ABHD5: variants seen among roughly 807,000 people sequenced by gnomAD.
ABHD5 encodes the protein abhydrolase domain containing 5, lysophosphatidic acid acyltransferase, also known as 1-acylglycerol-3-phosphate O-acyltransferase ABHD5.
In ABHD5, 30 loss-of-function variants were observed where a neutral mutation model predicts 44.9. That is an observed-to-expected ratio of 0.67 (90% CI 0.50 to 0.91). The LOEUF (loss-of-function observed/expected upper bound fraction) is 0.91, where lower values mean the gene tolerates loss of function less well. Ranked by LOEUF, ABHD5 falls within the 40% of genes least tolerant of loss-of-function variation. The probability of loss-of-function intolerance (pLI) is 0.00; values close to 1 mark genes in which losing one functional copy is unlikely to be tolerated. For missense variants in ABHD5, 399 were observed against 423.4 expected (o/e 0.94, Z 0.50); for synonymous variants, 167 against 147.0 (o/e 1.14, Z -0.99).
Position 43,702,380 on chromosome 3 carries a change from CCAA to C in ABHD5, c.302_304del (p.Asn101del). The C allele has an allele frequency of 6.2e-7, 1 of 1,614,186 alleles. No individual in the cohort carries two copies. Among genetic ancestry groups the C allele is most frequent in the Non-Finnish European group, 8.5e-7 (1 of 1,180,044 alleles). On this transcript the variant is annotated inframe_deletion, in exon 3 of 7. Coordinates refer to ENST00000644371, the MANE Select transcript of ABHD5 (RefSeq NM_016006.6). Reference sequence around the variant, plus strand: ...GCACTGAATTTTGGAGATCTTTGCACCAACAGACCTGTCTATGCTTTTGACCTA... The same window carrying C: ...GCACTGAATTTTGGAGATCTTTGCACCAGACCTGTCTATGCTTTTGACCTA...
rs1440679259 is a variant in ABHD5, at chr3:43,720,860, C to A, written c.*2328C>A. Reference sequence around the variant, plus strand: ...CGCCATACATGGCTTTACCTGGGTCCATGCATTCCCTTAAGATGACTTCTG... The same window carrying A: ...CGCCATACATGGCTTTACCTGGGTCAATGCATTCCCTTAAGATGACTTCTG... On this transcript the variant is annotated 3_prime_UTR_variant, in exon 7 of 7. Coordinates refer to ENST00000644371, the MANE Select transcript of ABHD5 (RefSeq NM_016006.6). The A allele has an allele frequency of 6.6e-6, 1 of 151,592 alleles. No homozygotes were observed. Among genetic ancestry groups the A allele is most frequent in the Non-Finnish European group, 1.5e-5 (1 of 67,964 alleles). The allele number at this position is 151,592 out of a possible 1,614,324, so 9.4% of individuals were successfully genotyped here. A position where few individuals can be genotyped will look rare whatever the true frequency, so the allele number is the denominator to read the frequency against.
chr3:43,710,359 T>A (rs2084671872), intron 3 of ABHD5, among the ~76,000 whole-genome samples: 1 of 152,224 alleles, frequency 6.6e-6, no homozygotes, highest in Non-Finnish European at 1.5e-5. Context: ...CTCTCTTATG[T>A]TGATTAGCCT....
At chr3:43,715,217 A>G (rs1453036562) in intron 5 of ABHD5, among the ~76,000 whole-genome samples, 159 bp downstream of exon 5, 4 of 151,998 alleles carry the variant, frequency 2.6e-5, no homozygotes, top group South Asian at 2.1e-4. Flanking sequence ...CTGGAGGGCA[A>G]TGGTGCGATC....
In ABHD5 at chr3:43,720,240, G is replaced by A. The variant is rs1019686280; in HGVS notation, c.*1708G>A. The A allele has an allele frequency of 2.0e-5, 3 of 152,168 alleles. No individual in the cohort carries two copies. Among genetic ancestry groups the A allele is most frequent in the African/African-American group, 7.2e-5 (3 of 41,448 alleles). 9.4% of individuals were successfully genotyped at this position (152,168 alleles called of 1,614,324 possible). A position where few individuals can be genotyped will look rare whatever the true frequency, so the allele number is the denominator to read the frequency against. ...TACAAATAATTTGGGTAATATTTTT[G>A]TATTTTTGTTTTACACACTCTCTAA... is the stretch of plus-strand genomic sequence containing the variant. On this transcript the variant is annotated 3_prime_UTR_variant, in exon 7 of 7. Coordinates refer to ENST00000644371, the MANE Select transcript of ABHD5 (RefSeq NM_016006.6).
rs2084834306 is a variant in ABHD5 at position 43,721,402 on chromosome 3, A to C, written c.*2870A>C. The C allele has an allele frequency of 6.6e-6, 1 of 152,084 alleles. No individual in the cohort carries two copies. The highest frequency in any genetic ancestry group is 1.9e-4 in the East Asian group (1 of 5,204). 9.4% of individuals were successfully genotyped at this position (152,084 alleles called of 1,614,324 possible). Reference sequence around the variant, plus strand: ...GTGAGAAAAACTTTCCTAGGACTGAAAATTCAGAAGCAATAAAAAGAGAAG... The same window carrying C: ...GTGAGAAAAACTTTCCTAGGACTGACAATTCAGAAGCAATAAAAAGAGAAG... On this transcript the variant is annotated 3_prime_UTR_variant, in exon 7 of 7. Coordinates refer to ENST00000644371, the MANE Select transcript of ABHD5 (RefSeq NM_016006.6).
intron 3 of ABHD5, among the ~76,000 whole-genome samples, chr3:43,708,454 T>G (rs999877618): frequency 1.3e-5 from 2 of 152,236 alleles, no homozygotes; most frequent in Non-Finnish European, 2.9e-5. Flanking sequence ...GAAGATAGCC[T>G]GGGACCTTGG....
chr3:43,723,861 A>T (rs1004698888), downstream of ABHD5, among the ~76,000 whole-genome samples: 3 of 152,232 alleles, frequency 2.0e-5, no homozygotes, highest in African/African-American at 2.4e-5. Flanking sequence ...AAAAGAGTTT[A>T]TAATGGACTG....
At chr3:43,696,845 G>C (rs1160437832) in intron 1 of ABHD5, among the ~76,000 whole-genome samples, 1 of 152,100 alleles carries the variant, frequency 6.6e-6, no homozygotes, top group African/African-American at 2.4e-5. Flanking sequence ...TCCATTAAGA[G>C]TAAAAATATC....
downstream of ABHD5, among the ~76,000 whole-genome samples, chr3:43,725,236 A>C (rs1244008437): frequency 6.6e-6 from 1 of 152,192 alleles, no homozygotes; most frequent in East Asian, 1.9e-4. Context: ...CTGAATTAGA[A>C]TATCTACTTC....
At chr3:43,692,672 A>T (rs1559407904) in intron 1 of ABHD5, among the ~76,000 whole-genome samples, 1 of 152,136 alleles carries the variant, frequency 6.6e-6, no homozygotes, top group African/African-American at 2.4e-5. Context: ...GCTGGGTATT[A>T]TTGTTCCCAT....
intron 3 of ABHD5, among the ~76,000 whole-genome samples, chr3:43,705,714 G>A (rs1326580225): frequency 6.6e-6 from 1 of 152,108 alleles, no homozygotes; most frequent in Non-Finnish European, 1.5e-5. Context: ...TTGCTTTTCA[G>A]GATGGCTTCC....
intron 6 of ABHD5, 116 bp from the exon 7 acceptor site, chr3:43,718,327 G>GT: frequency 1.2e-6 from 1 of 852,870 alleles, no homozygotes; most frequent in Non-Finnish European, 2.0e-6. Flanking sequence ...TTAATCACGT[G>GT]TTTTATTTAA....
intron 7 of ABHD5, among the ~76,000 whole-genome samples, chr3:43,732,158 C>CG (rs2149613833): frequency 6.6e-6 from 1 of 152,088 alleles, no homozygotes; most frequent in South Asian, 2.1e-4. Context: ...GGGCTTGGCA[C>CG]GGTGGCTCAT....
chr3:43,702,276 ACT>A lies in ABHD5; in HGVS notation c.196_197del (p.Leu66GlufsTer5). On this transcript the variant is annotated frameshift_variant, in exon 3 of 7. Transcript: ENST00000644371. LOFTEE classifies it high-confidence loss of function. ...RISNGNKIWT[L>X]KFSHNISNKT... Reference sequence around the variant, plus strand: ...TATCTAATGGAAATAAAATATGGACACTGAAGTTCTCTCATAATATTTCAAAT... The same window carrying A: ...TATCTAATGGAAATAAAATATGGACAGAAGTTCTCTCATAATATTTCAAAT... 6.2e-7 allele frequency: 1 copy of A among 1,600,810 alleles called. No homozygotes were observed. The highest frequency in any genetic ancestry group is 8.5e-7 in the Non-Finnish European group (1 of 1,170,684).
At chr3:43,703,006 C>T (rs573242916) in intron 3 of ABHD5, among the ~76,000 whole-genome samples, 1 of 152,212 alleles carries the variant, frequency 6.6e-6, no homozygotes, top group South Asian at 2.1e-4. Flanking sequence ...TGACTTAGAG[C>T]AAATCACTTA....
chr3:43,707,639 T>C (rs1049342062), intron 3 of ABHD5: 1 of 152,172 alleles, frequency 6.6e-6, no homozygotes, highest in Non-Finnish European at 1.5e-5. Context: ...TTTCTTTTTT[T>C]TTCCCCCGAG....
intron 2 of ABHD5, chr3:43,699,807 T>C (rs1350986056): frequency 5.9e-6 from 1 of 168,130 alleles, no homozygotes; most frequent in Admixed American, 5.7e-5. Flanking sequence ...CTTTAATGTC[T>C]AGCTTGACAT....
chr3:43,702,480 A>C lies in ABHD5; in HGVS notation c.399A>C (p.Glu133Asp), dbSNP rs200595589. 1.6e-5 allele frequency: 26 copies of C among 1,614,232 alleles called. No homozygotes were observed. The Admixed American group carries it at 4.3e-4, about 27-fold the overall frequency. The change falls in exon 3 of 7, where the codon GAA (glutamate) becomes GAC (aspartate). Residue 133 changes from glutamate to aspartate, a missense_variant. Coordinates refer to ENST00000644371, the MANE Select transcript of ABHD5 (RefSeq NM_016006.6). ...DAEEVENQFV[E>D]SIEEWRCALG... ...AAGAAGTGGAGAATCAGTTTGTGGA[A>C]TCCATTGAAGAGTGGAGATGTGCCC...
At chr3:43,708,018 G>A (rs182651738) in intron 3 of ABHD5, among the ~76,000 whole-genome samples, 2 of 152,186 alleles carry the variant, frequency 1.3e-5, no homozygotes, top group African/African-American at 4.8e-5. Flanking sequence ...TTAGCATTTA[G>A]AGCAAGTGAA....
Sources: allele counts gnomAD v4.1 joint callset (sites outside exome capture counted in the v4.1 genomes callset), GRCh38; gene constraint gnomAD v4.1.1; transcripts MANE v1.5; gene names NCBI Gene and HGNC (gene_info 2026-07-23, HGNC 2026-07-21).